Variants in DAPP1 observed in about 807,000 individuals in gnomAD.
DAPP1 encodes the protein dual adapter for phosphotyrosine and 3-phosphotyrosine and 3-phosphoinositide.
A neutral mutation model predicts 41.5 loss-of-function variants in DAPP1; 20 were observed. The ratio of observed to expected loss-of-function variants is 0.48; its 90% CI spans 0.34 to 0.70. The LOEUF (loss-of-function observed/expected upper bound fraction) is 0.70, where lower values mean the gene tolerates loss of function less well. Ranked by LOEUF, DAPP1 falls within the 30% of genes least tolerant of loss-of-function variation. DAPP1 has a pLI of 0.01. For missense variants in DAPP1, 233 were observed against 333.4 expected, an observed-to-expected ratio of 0.70 and a Z score of 2.35; for synonymous variants, 113 against 116.2, an observed-to-expected ratio of 0.97 and a Z score of 0.18.
At chr4:99,839,888 C>T (rs1723437016) in intron 2 of DAPP1, among the ~76,000 whole-genome samples, 1 of 152,096 alleles carries the variant, frequency 6.6e-6, no homozygotes, top group African/African-American at 2.4e-5. Context: ...ATGGCAAAAC[C>T]CAGTCTTTAC....
intron 3 of DAPP1, among the ~76,000 whole-genome samples, chr4:99,845,449 A>G (rs928274825): frequency 6.6e-6 from 1 of 152,214 alleles, no homozygotes; most frequent in African/African-American, 2.4e-5. Flanking sequence ...TTGGTCCTAC[A>G]GCGACACTGC....
chr4:99,835,376 T>A (rs974976622), intron 1 of DAPP1, among the ~76,000 whole-genome samples: 1 of 152,102 alleles, frequency 6.6e-6, no homozygotes, highest in Non-Finnish European at 1.5e-5. Context: ...TACTGAGAGG[T>A]TAGCACTTCA....
At position 99,840,437 on chromosome 4, in the gene DAPP1, G is replaced by A; in HGVS notation, c.358+15G>A. 1 of 1,605,942 alleles carries A rather than the reference G, an allele frequency of 6.2e-7. No individual in the cohort carries two copies. The highest frequency in any genetic ancestry group is 8.5e-7 in the Non-Finnish European group (1 of 1,177,468). On this transcript the variant is annotated intron_variant, in intron 3 of 8. Transcript: ENST00000512369. ...AAGCGAGACAGGTAAGCTATGAGCA[G>A]ACACTTGACTTATGAAATAATGTTT...
chr4:99,871,577 T>C (rs946301826), downstream of DAPP1, among the ~76,000 whole-genome samples: 2 of 152,250 alleles, frequency 1.3e-5, no homozygotes, highest in Non-Finnish European at 1.5e-5. Context: ...TTTTCAACAC[T>C]TAAAACTGGC....
chr4:99,872,096 C>G (rs144948596), downstream of DAPP1, among the ~76,000 whole-genome samples: 23 of 152,276 alleles, frequency 1.5e-4, no homozygotes, highest in East Asian at 4.2e-3. Context: ...GAAGAAGGGT[C>G]TATGAGGACT....
At position 99,868,220 on chromosome 4, in the gene DAPP1, C is replaced by T. The variant is rs764023436; in HGVS notation, c.*35C>T. On this transcript the variant is annotated 3_prime_UTR_variant, in exon 9 of 9. Coordinates refer to ENST00000512369, the MANE Select transcript of DAPP1 (RefSeq NM_014395.3). ...GCCAAGGAATGCTCTGGCCCAGGAG[C>T]AAGGTGGAATGTTTCCCTGACGCTG... 6.4e-7 allele frequency: 1 copy of T among 1,572,592 alleles called. No homozygotes were observed. The highest frequency in any genetic ancestry group is 1.7e-5 in the Admixed American group (1 of 59,868).
At chr4:99,834,540 C>T (rs1038035929) in intron 1 of DAPP1, among the ~76,000 whole-genome samples, 2 of 152,174 alleles carry the variant, frequency 1.3e-5, no homozygotes, top group African/African-American at 2.4e-5. Context: ...TTCCTTCCAT[C>T]CAGCTTCGTT....
chr4:99,826,604 G>A (rs572455759), intron 1 of DAPP1, among the ~76,000 whole-genome samples: 1 of 152,302 alleles, frequency 6.6e-6, no homozygotes, highest in South Asian at 2.1e-4. Flanking sequence ...GTTTTAAAGT[G>A]CAAGATTGCT....
intron 6 of DAPP1, among the ~76,000 whole-genome samples, 160 bp from the exon 7 acceptor site, chr4:99,863,610 T>G (rs907708176): frequency 3.3e-5 from 5 of 152,124 alleles, no homozygotes; most frequent in Non-Finnish European, 5.9e-5. Context: ...AACCAAGGAC[T>G]TCCCTTGGTA....
intron 1 of DAPP1, among the ~76,000 whole-genome samples, chr4:99,831,386 A>T (rs1335567022): frequency 6.6e-6 from 1 of 152,220 alleles, no homozygotes; most frequent in African/African-American, 2.4e-5. Flanking sequence ...CTCTCACAAA[A>T]TAACAATAGC....
chr4:99,853,824 G>A (rs565541045), intron 4 of DAPP1, among the ~76,000 whole-genome samples: 5 of 152,074 alleles, frequency 3.3e-5, no homozygotes, highest in South Asian at 2.1e-4. Context: ...GTCTCAAAAC[G>A]AACAAATGAA....
intron 8 of DAPP1, among the ~76,000 whole-genome samples, chr4:99,867,472 A>T (rs1054397743): frequency 6.6e-6 from 1 of 152,222 alleles, no homozygotes; most frequent in Non-Finnish European, 1.5e-5. Context: ...AACGGATACA[A>T]TGAAGACTGT....
intron 7 of DAPP1, chr4:99,865,246 A>G (rs1479669728): frequency 6.6e-6 from 1 of 152,242 alleles, no homozygotes; most frequent in Non-Finnish European, 1.5e-5. Flanking sequence ...ACAAAAAGAA[A>G]AAAGATTTTT....
intron 1 of DAPP1, among the ~76,000 whole-genome samples, chr4:99,828,721 C>A (rs1489071909): frequency 6.6e-6 from 1 of 152,142 alleles, no homozygotes; most frequent in Non-Finnish European, 1.5e-5. Context: ...TATGAAAATT[C>A]TTTAGTGGGT....
intron 1 of DAPP1, among the ~76,000 whole-genome samples, chr4:99,825,269 T>C (rs565086643): frequency 6.6e-6 from 1 of 152,344 alleles, no homozygotes; most frequent in South Asian, 2.1e-4. Flanking sequence ...TGAGACTTTG[T>C]GCCACTCTGT....
At chr4:99,819,746 C>T (rs756347182) in intron 1 of DAPP1, among the ~76,000 whole-genome samples, 2 of 144,832 alleles carry the variant, frequency 1.4e-5, no homozygotes, top group Non-Finnish European at 3.1e-5. Flanking sequence ...TAAATCCTTA[C>T]GTTTATGTTT....
At chr4:99,848,142 A>C (rs1207289479) in intron 3 of DAPP1, among the ~76,000 whole-genome samples, 3 of 150,530 alleles carry the variant, frequency 2.0e-5, no homozygotes, top group Non-Finnish European at 3.0e-5. Flanking sequence ...AATGACAGAA[A>C]CCAGCTCTGG....
At chr4:99,833,951 G>A (rs943562616) in intron 1 of DAPP1, among the ~76,000 whole-genome samples, 5 of 152,138 alleles carry the variant, frequency 3.3e-5, no homozygotes, top group Admixed American at 6.5e-5. Context: ...GGCCTATGCC[G>A]TATGCCTATT....
At position 99,817,494 on chromosome 4, in the gene DAPP1, A is replaced by C. The variant is rs967688510; in HGVS notation, c.101+480A>C. 3.0e-4 allele frequency among the ~76,000 whole-genome samples: 45 copies of C among 152,228 alleles called. 2 individuals carry two copies. The highest frequency in any genetic ancestry group is 7.3e-5 in the Non-Finnish European group (5 of 68,038). On this transcript the variant is annotated intron_variant, in intron 1 of 8. Coordinates refer to ENST00000512369, the MANE Select transcript of DAPP1 (RefSeq NM_014395.3). ...AGACAGAGAATGAGGAAGTTCCTGCAACAGTCTCGCTTGTATATTTCTTTC... is the reference window on the plus strand; with the variant it reads ...AGACAGAGAATGAGGAAGTTCCTGCCACAGTCTCGCTTGTATATTTCTTTC...
Sources: gnomAD v4.1 joint callset for allele counts (sites outside exome capture counted in the v4.1 genomes callset) on GRCh38, gnomAD v4.1.1 for gene constraint, MANE v1.5 for transcripts, NCBI Gene and HGNC (gene_info 2026-07-23, HGNC 2026-07-21) for gene names.